Variants in FABP12 observed in about 807,000 individuals in gnomAD.
FABP12 encodes the protein fatty acid-binding protein 12.
Under a neutral mutation model 13.7 loss-of-function variants are expected in FABP12, and 19 were observed. The observed-to-expected ratio is 1.39, with a 90% confidence interval of 0.97 to 2.04. The LOEUF (loss-of-function observed/expected upper bound fraction) is 2.04. Among genes scored for constraint, FABP12 ranks in the 30% most tolerant of loss-of-function variants. The pLI, the probability that FABP12 is intolerant of heterozygous loss-of-function variation, is 0.00. For synonymous variants in FABP12, 61 were observed against 57.0 expected, an observed-to-expected ratio of 1.07 and a Z score of -0.32; for missense variants, 182 against 164.2, an observed-to-expected ratio of 1.11 and a Z score of -0.59.
intron 3 of FABP12, 29 bp downstream of exon 3, chr8:81,529,409 T>C (rs755478320): frequency 5.6e-6 from 9 of 1,608,190 alleles, no homozygotes; most frequent in Middle Eastern, 3.3e-4. Flanking sequence ...TCTTTTGAAA[T>C]GTGTCTGAAA....
intron 1 of FABP12, among the ~76,000 whole-genome samples, chr8:81,560,962 C>T (rs946474883): frequency 5.3e-5 from 8 of 152,170 alleles, no homozygotes; most frequent in Non-Finnish European, 8.8e-5. Flanking sequence ...CACAATGCTG[C>T]GGGGCAAAGG....
chr8:81,588,257 G>C (rs961905267), intron 1 of FABP12, among the ~76,000 whole-genome samples: 1 of 152,206 alleles, frequency 6.6e-6, no homozygotes, highest in African/African-American at 2.4e-5. Flanking sequence ...CCTTTGGGCA[G>C]AGACTGTGGG....
chr8:81,559,045 A>T (rs1408831878), intron 1 of FABP12, among the ~76,000 whole-genome samples: 2 of 152,282 alleles, frequency 1.3e-5, no homozygotes, highest in African/African-American at 4.8e-5. Flanking sequence ...CACAAACTTG[A>T]TCTGAGAAGA....
intron 1 of FABP12, among the ~76,000 whole-genome samples, chr8:81,550,240 A>C (rs1809502873): frequency 6.6e-6 from 1 of 152,208 alleles, no homozygotes; most frequent in Admixed American, 6.6e-5. Context: ...CAAAAGATAC[A>C]ACCTTGTTCT....
intron 1 of FABP12, among the ~76,000 whole-genome samples, chr8:81,581,326 ACTCTTCTGCTC>A (rs1810158277): frequency 6.6e-6 from 1 of 152,016 alleles, no homozygotes; most frequent in Non-Finnish European, 1.5e-5. Context: ...CTGTGGAAAC[ACTCTTCTGCTC>A]CAAAAGTCTG....
chr8:81,565,598 G>T (rs1005591776), intron 1 of FABP12, among the ~76,000 whole-genome samples: 1 of 151,522 alleles, frequency 6.6e-6, no homozygotes, highest in Non-Finnish European at 1.5e-5. Context: ...AAAAAATTAA[G>T]AAAAAAATTA....
chr8:81,562,816 T>A (rs1429341580), intron 1 of FABP12, among the ~76,000 whole-genome samples: 1 of 152,210 alleles, frequency 6.6e-6, no homozygotes, highest in Admixed American at 6.5e-5. Context: ...CTAGATGGCA[T>A]CTCTGGACCT....
At chr8:81,529,993 A>C (rs185179855) in intron 2 of FABP12, among the ~76,000 whole-genome samples, 17 of 152,338 alleles carry the variant, frequency 1.1e-4, no homozygotes, top group Admixed American at 1.1e-3. Flanking sequence ...CATACAAACA[A>C]AATACTTTGG....
chr8:81,555,473 A>G (rs1809596703), intron 1 of FABP12, among the ~76,000 whole-genome samples: 1 of 152,244 alleles, frequency 6.6e-6, no homozygotes, highest in African/African-American at 2.4e-5. Flanking sequence ...AAAATTTACA[A>G]TAAGATACTT....
At chr8:81,525,195 A>C (rs1194606434) in intron 4 of FABP12, 75 bp from the exon 5 acceptor site, 3 of 931,834 alleles carry the variant, frequency 3.2e-6, no homozygotes, top group Non-Finnish European at 5.1e-6. Context: ...CAAACTAAGT[A>C]CTATCCACAC....
chr8:81,541,542 A>G lies in FABP12; in HGVS notation c.-184-1799T>C, dbSNP rs142594668. On this transcript the variant is annotated intron_variant, in intron 1 of 5. Coordinates refer to the FABP12 transcript ENST00000692030. ...CAATTCCCCTGGCCTCAGTCCTTGC[A>G]TGGTAACACCCCTGATGAGGCTCAG... Among the ~76,000 whole-genome samples the G allele has an allele frequency of 4.7e-4, 72 of 152,298 alleles. No individual in the cohort carries two copies. In the East Asian group the frequency reaches 0.011, roughly 24 times the overall value.
At chr8:81,544,043 T>C (rs1202509557) in intron 1 of FABP12, among the ~76,000 whole-genome samples, 1 of 152,070 alleles carries the variant, frequency 6.6e-6, no homozygotes, top group Non-Finnish European at 1.5e-5. Context: ...TACGTGGTGG[T>C]CTGGAGTAGG....
At chr8:81,545,486 G>A (rs1208490774) in intron 1 of FABP12, among the ~76,000 whole-genome samples, 1 of 152,140 alleles carries the variant, frequency 6.6e-6, no homozygotes, top group African/African-American at 2.4e-5. Context: ...TGAAAGAGCT[G>A]GAATTAGTCT....
At chr8:81,575,446 G>A (rs1768560553) in intron 1 of FABP12, among the ~76,000 whole-genome samples, 1 of 152,172 alleles carries the variant, frequency 6.6e-6, no homozygotes, top group Non-Finnish European at 1.5e-5. Context: ...TGCATGAAAT[G>A]TTCTGTATAT....
At chr8:81,584,123 TTG>T (rs1810208015) in intron 1 of FABP12, among the ~76,000 whole-genome samples, 1 of 152,086 alleles carries the variant, frequency 6.6e-6, no homozygotes, top group African/African-American at 2.4e-5. Flanking sequence ...GAAAAAGCAT[TTG>T]ATAAAATTCA....
chr8:81,547,275 A>G (rs1809450643), intron 1 of FABP12, among the ~76,000 whole-genome samples: 1 of 152,230 alleles, frequency 6.6e-6, no homozygotes, highest in Non-Finnish European at 1.5e-5. Context: ...TCACACATAC[A>G]CACCACAGAC....
At chr8:81,585,574 G>A (rs1810228244) in intron 1 of FABP12, among the ~76,000 whole-genome samples, 1 of 152,066 alleles carries the variant, frequency 6.6e-6, no homozygotes, top group Non-Finnish European at 1.5e-5. Flanking sequence ...GGTCTTTTGT[G>A]GTTCCATATA....
intron 1 of FABP12, among the ~76,000 whole-genome samples, chr8:81,563,127 C>G (rs1328570188): frequency 1.3e-5 from 2 of 152,216 alleles, no homozygotes; most frequent in African/African-American, 4.8e-5. Context: ...AGACCAGTCT[C>G]TGCCTGTTAA....
intron 4 of FABP12, chr8:81,526,566 G>A (rs1490585734): frequency 6.6e-6 from 1 of 152,582 alleles, no homozygotes; most frequent in African/African-American, 2.4e-5. Flanking sequence ...TGAAAACATA[G>A]GGGCATGATA....
Sources: gnomAD v4.1 joint callset for allele counts (sites outside exome capture counted in the v4.1 genomes callset) on GRCh38, gnomAD v4.1.1 for gene constraint, MANE v1.5 for transcripts, NCBI Gene and HGNC (gene_info 2026-07-23, HGNC 2026-07-21) for gene names.